VGLL4: variants seen among roughly 807,000 people sequenced by gnomAD.
VGLL4 encodes the protein transcription cofactor vestigial-like protein 4.
In VGLL4, 7 loss-of-function variants were observed where a neutral mutation model predicts 21.0. The ratio of observed to expected loss-of-function variants is 0.33; its 90% CI spans 0.19 to 0.63. The LOEUF is 0.63. Among genes scored for constraint, VGLL4 ranks in the 20% least tolerant of loss-of-function variants. The probability of loss-of-function intolerance (pLI) is 0.78; values close to 1 mark genes in which losing one functional copy is unlikely to be tolerated. For synonymous variants in VGLL4, 222 were observed against 173.2 expected (o/e 1.28, Z -2.21); for missense variants, 394 against 425.7 (o/e 0.93, Z 0.66).
chr3:11,664,450 C>G (rs1376800856), intron 2 of VGLL4, among the ~76,000 whole-genome samples: 1 of 152,166 alleles, frequency 6.6e-6, no homozygotes, highest in Non-Finnish European at 1.5e-5. Context: ...CCTCTGCTTT[C>G]TGAAGCTCAG....
At position 11,601,827 on chromosome 3, in the gene VGLL4, A is replaced by T. The variant is rs773857485; in HGVS notation, c.272+6T>A. 8.7e-6 allele frequency: 14 copies of T among 1,613,484 alleles called. No individual in the cohort carries two copies. The highest frequency in any genetic ancestry group is 1.2e-5 in the Non-Finnish European group (14 of 1,179,714). On this transcript the variant is annotated splice_donor_region_variant and intron_variant, in intron 2 of 4. Transcript: ENST00000430365. ...CTTAAGCCAAAATAAGAACAGAGGA[A>T]CTCACAGATGGGGGTTGAAGATGCG...
At chr3:11,718,039 A>G (rs2076942423) in intron 1 of VGLL4, among the ~76,000 whole-genome samples, 1 of 152,256 alleles carries the variant, frequency 6.6e-6, no homozygotes, top group South Asian at 2.1e-4. Context: ...ATAGTTATTT[A>G]TAGCAGAATT....
intron 1 of VGLL4, among the ~76,000 whole-genome samples, chr3:11,704,568 G>T (rs1297299127): frequency 6.6e-6 from 1 of 151,884 alleles, no homozygotes; most frequent in Non-Finnish European, 1.5e-5. Context: ...GCAGGCCACC[G>T]AGACATCTAG....
chr3:11,680,593 G>A (rs920036783), intron 2 of VGLL4, among the ~76,000 whole-genome samples: 1 of 152,114 alleles, frequency 6.6e-6, no homozygotes, highest in Admixed American at 6.6e-5. Context: ...ACGTCTCAGT[G>A]CACACCATTC....
chr3:11,689,631 T>C (rs1208746866), intron 2 of VGLL4, among the ~76,000 whole-genome samples: 1 of 152,212 alleles, frequency 6.6e-6, no homozygotes, highest in East Asian at 1.9e-4. Context: ...TACTATTTAT[T>C]CTCCTCAAAT....
chr3:11,625,934 G>C (rs932327897), intron 1 of VGLL4, among the ~76,000 whole-genome samples: 1 of 152,110 alleles, frequency 6.6e-6, no homozygotes, highest in Non-Finnish European at 1.5e-5. Flanking sequence ...GGTTTCTTCC[G>C]GGAGTGATGA....
intron 3 of VGLL4, among the ~76,000 whole-genome samples, chr3:11,561,963 G>C (rs761743481): frequency 6.9e-6 from 1 of 145,344 alleles, no homozygotes; most frequent in South Asian, 2.2e-4. Context: ...GCAGTGACGC[G>C]ATCTTGGCTC....
intron 1 of VGLL4, among the ~76,000 whole-genome samples, chr3:11,634,563 C>T (rs1165199598): frequency 2.0e-5 from 3 of 152,270 alleles, no homozygotes; most frequent in South Asian, 2.1e-4. Flanking sequence ...CATCAGCCTG[C>T]GTCACCCTTT....
intron 2 of VGLL4, among the ~76,000 whole-genome samples, chr3:11,567,541 A>G (rs1332600072): frequency 6.6e-6 from 1 of 152,174 alleles, no homozygotes; most frequent in Non-Finnish European, 1.5e-5. Flanking sequence ...GCGATTTTCA[A>G]AACGTTAAAA....
chr3:11,635,063 A>G (rs529139951), intron 1 of VGLL4, among the ~76,000 whole-genome samples: 15 of 152,324 alleles, frequency 9.8e-5, no homozygotes, highest in African/African-American at 3.4e-4. Context: ...GGTAAAGACT[A>G]AAAAAGACTG....
intron 2 of VGLL4, among the ~76,000 whole-genome samples, chr3:11,661,300 T>C (rs916009145): frequency 6.6e-6 from 1 of 151,800 alleles, no homozygotes; most frequent in Non-Finnish European, 1.5e-5. Context: ...AAAGGCTCCA[T>C]CACAGACAAT....
intron 3 of VGLL4, among the ~76,000 whole-genome samples, chr3:11,560,858 G>A (rs970282839): frequency 3.9e-5 from 6 of 152,190 alleles, no homozygotes; most frequent in South Asian, 2.1e-4. Context: ...GAATGTCCAC[G>A]TTCTGCCTGT....
At chr3:11,689,353 C>G (rs190065709) in intron 2 of VGLL4, among the ~76,000 whole-genome samples, 1 of 152,252 alleles carries the variant, frequency 6.6e-6, no homozygotes, top group Admixed American at 6.5e-5. Context: ...ACTTTTTGAT[C>G]GTTCTGCAAT....
At chr3:11,671,238 T>C in intron 2 of VGLL4, 1 of 1,559,268 alleles carries the variant, frequency 6.4e-7, no homozygotes, top group Non-Finnish European at 8.6e-7. Context: ...TAAGAAAATG[T>C]GAAAATCAAA....
intron 2 of VGLL4, among the ~76,000 whole-genome samples, chr3:11,574,935 C>T (rs73023138): frequency 0.019 from 2,939 of 152,076 alleles, 43 homozygotes; most frequent in East Asian, 0.033. Context: ...AGGGAAGAAG[C>T]TTGTCGGCCG....
chr3:11,712,471 T>C (rs2124821886), intron 1 of VGLL4, among the ~76,000 whole-genome samples: 1 of 152,332 alleles, frequency 6.6e-6, no homozygotes, highest in African/African-American at 2.4e-5. Context: ...ATACATGTTT[T>C]CAAAATACAT....
rs2073613682 is a variant in VGLL4, at chr3:11,568,001, A to AG, written c.273-2983dup. Among the ~76,000 whole-genome samples the AG allele has an allele frequency of 6.6e-6, 1 of 152,160 alleles. No homozygotes were observed. Among genetic ancestry groups the AG allele is most frequent in the African/African-American group, 2.4e-5 (1 of 41,450 alleles). Reference sequence around the variant, plus strand: ...GACGTCTGTTTACTCAACCAGCGCTAGTTAAGTCCCTGTTCTGTGGAGGTT... The same window carrying AG: ...GACGTCTGTTTACTCAACCAGCGCTAGGTTAAGTCCCTGTTCTGTGGAGGTT... On this transcript the variant is annotated intron_variant, in intron 2 of 4. Coordinates refer to ENST00000430365, the MANE Select transcript of VGLL4 (RefSeq NM_001128219.3). This position sits in a 1 kb window ranked among gnomAD's most constrained non-coding sequence, Gnocchi z 5.9.
intron 1 of VGLL4, among the ~76,000 whole-genome samples, chr3:11,705,845 C>T (rs925558274): frequency 1.3e-5 from 2 of 151,824 alleles, no homozygotes; most frequent in Middle Eastern, 3.2e-3. Context: ...GGCATGAACC[C>T]GCGAGGCGGA....
At chr3:11,596,484 T>G (rs923832196) in intron 2 of VGLL4, among the ~76,000 whole-genome samples, 1 of 152,184 alleles carries the variant, frequency 6.6e-6, no homozygotes, top group African/African-American at 2.4e-5. Context: ...CATGTGTGGA[T>G]GTAGTTCTTA....
Sources: allele counts gnomAD v4.1 joint callset (sites outside exome capture counted in the v4.1 genomes callset), GRCh38; gene constraint gnomAD v4.1.1; non-coding constraint Gnocchi (gnomAD v3.1); transcripts MANE v1.5; gene names NCBI Gene and HGNC (gene_info 2026-07-23, HGNC 2026-07-21).